Variants in MRAP2 observed in about 807,000 individuals in gnomAD.
MRAP2 encodes the protein melanocortin 2 receptor accessory protein 2.
MRAP2 carries 20 observed loss-of-function variants against 17.4 expected under a neutral mutation model. The ratio of observed to expected loss-of-function variants is 1.15; its 90% CI spans 0.81 to 1.67. The LOEUF (loss-of-function observed/expected upper bound fraction) is 1.67. MRAP2 is among the 40% of genes most tolerant of loss of function. The probability of loss-of-function intolerance (pLI) is 0.00; values close to 1 mark genes in which losing one functional copy is unlikely to be tolerated. For missense variants in MRAP2, 238 were observed against 240.0 expected (o/e 0.99, Z 0.05); for synonymous variants, 96 against 88.4 (o/e 1.09, Z -0.48).
intron 3 of MRAP2, among the ~76,000 whole-genome samples, chr6:84,082,827 T>TCTTTTTTTCCTTTCTGC (rs2099499342): frequency 6.6e-6 from 1 of 152,118 alleles, no homozygotes; most frequent in African/African-American, 2.4e-5. Flanking sequence ...CTCCTTTTTG[T>TCTTTTTTTCCTTTCTGC]CTTTTTTTCC....
At chr6:84,142,268 C>A in the MRAP2 span, among the ~76,000 whole-genome samples, 1 of 152,146 alleles carries the variant, frequency 6.6e-6, no homozygotes, top group African/African-American at 2.4e-5. Flanking sequence ...ATTCTATCTG[C>A]CAAATACACA....
chr6:84,054,179 T>C (rs2099491118), intron 1 of MRAP2, among the ~76,000 whole-genome samples: 1 of 152,174 alleles, frequency 6.6e-6, no homozygotes, highest in Admixed American at 6.5e-5. Context: ...ATGTTACTGC[T>C]ATTTGTCACT....
chr6:84,125,340 A>T, the MRAP2 span: 2 of 1,433,376 alleles, frequency 1.4e-6, no homozygotes, highest in Non-Finnish European at 1.9e-6. Context: ...AACATTTAAC[A>T]ATCTTAAAGT....
At chr6:84,140,473 CTT>C in the MRAP2 span, among the ~76,000 whole-genome samples, 1 of 152,060 alleles carries the variant, frequency 6.6e-6, no homozygotes, top group Non-Finnish European at 1.5e-5. Context: ...CTTTTGCAGA[CTT>C]TTTTGAGGAA....
intron 1 of MRAP2, among the ~76,000 whole-genome samples, chr6:84,035,863 T>C (rs1398830088): frequency 6.6e-6 from 1 of 152,256 alleles, no homozygotes; most frequent in Non-Finnish European, 1.5e-5. Flanking sequence ...GAATTATTTA[T>C]CTGTGACCTT....
At chr6:84,129,993 T>C in the MRAP2 span, among the ~76,000 whole-genome samples, 115 of 152,310 alleles carry the variant, frequency 7.6e-4, 2 homozygotes, top group African/African-American at 2.6e-3. Flanking sequence ...TGATATTGGC[T>C]GTGGGTTTGT....
chr6:84,069,422 C>G (rs2099495626), intron 3 of MRAP2, among the ~76,000 whole-genome samples: 1 of 151,932 alleles, frequency 6.6e-6, no homozygotes, highest in South Asian at 2.1e-4. Context: ...TTAAACCATC[C>G]CTGCATCCCT....
chr6:84,039,513 A>T (rs527906749), intron 1 of MRAP2, among the ~76,000 whole-genome samples: 1 of 152,252 alleles, frequency 6.6e-6, no homozygotes, highest in East Asian at 1.9e-4. Context: ...AGTATTGTTG[A>T]GATATGAAGT....
At chr6:84,035,999 A>G (rs2099485861) in intron 1 of MRAP2, among the ~76,000 whole-genome samples, 1 of 152,200 alleles carries the variant, frequency 6.6e-6, no homozygotes, top group Admixed American at 6.5e-5. Context: ...CTTGGAGTAC[A>G]AAAAATATTG....
At chr6:84,082,933 C>G (rs1263483801) in intron 3 of MRAP2, among the ~76,000 whole-genome samples, 3 of 152,094 alleles carry the variant, frequency 2.0e-5, no homozygotes, top group African/African-American at 7.2e-5. Context: ...GACTAGCCCT[C>G]TAGCTCATCA....
At chr6:84,052,642 T>C (rs1235919402) in intron 1 of MRAP2, 2 of 161,752 alleles carry the variant, frequency 1.2e-5, no homozygotes, top group African/African-American at 4.8e-5. Flanking sequence ...CAAAGCTATC[T>C]TTGGGATTCA....
intron 2 of MRAP2, 176 bp from the exon 3 acceptor site, chr6:84,062,715 CAG>C (rs2099493494): frequency 2.0e-6 from 2 of 985,218 alleles, no homozygotes; most frequent in Non-Finnish European, 2.4e-6. Context: ...GGAGGCGGAG[CAG>C]ACTCTTCCCT....
chr6:84,050,120 C>T (rs2099490064), intron 1 of MRAP2, among the ~76,000 whole-genome samples: 1 of 152,184 alleles, frequency 6.6e-6, no homozygotes, highest in South Asian at 2.1e-4. Context: ...GGAAGCATGA[C>T]CTTTTTTCTT....
the MRAP2 span, among the ~76,000 whole-genome samples, chr6:84,135,601 G>A: frequency 6.5e-3 from 982 of 151,686 alleles, 4 homozygotes; most frequent in African/African-American, 0.022. Flanking sequence ...GGTGGCTCAC[G>A]CCTGTAATCC....
the MRAP2 span, among the ~76,000 whole-genome samples, chr6:84,115,105 C>T: frequency 1.1e-4 from 16 of 152,184 alleles, no homozygotes; most frequent in African/African-American, 3.6e-4. Context: ...GAACACTGTG[C>T]TGGGAGATCC....
chr6:84,036,719 C>A (rs1213295282), intron 1 of MRAP2, among the ~76,000 whole-genome samples: 1 of 152,180 alleles, frequency 6.6e-6, no homozygotes, highest in Admixed American at 6.5e-5. Flanking sequence ...ATTCCTTTAT[C>A]TGACCCCACC....
In MRAP2 at chr6:84,036,383, G is replaced by C. The variant is rs2099485976; in HGVS notation, c.-8+2500G>C. On this transcript the variant is annotated intron_variant, in intron 1 of 3. Transcript: ENST00000257776. ...AGTGATGGTGTATCTGAAATTGGTGGGTTCTTGGTCTCACTGACTTCAAGA... is the reference window on the plus strand; with the variant it reads ...AGTGATGGTGTATCTGAAATTGGTGCGTTCTTGGTCTCACTGACTTCAAGA... 3.3e-5 allele frequency among the ~76,000 whole-genome samples: 5 copies of C among 152,222 alleles called. No homozygotes were observed. In the South Asian group the frequency reaches 6.2e-4, roughly 19 times the overall value.
At chr6:84,111,748 G>A in the MRAP2 span, among the ~76,000 whole-genome samples, 1 of 152,130 alleles carries the variant, frequency 6.6e-6, no homozygotes, top group African/African-American at 2.4e-5. Flanking sequence ...GTTTGTCATA[G>A]ATAGCTCTTA....
At position 84,044,720 on chromosome 6, in the gene MRAP2, A is replaced by G. The variant is rs77123464; in HGVS notation, c.-7-10592A>G. On this transcript the variant is annotated intron_variant, in intron 1 of 3. Transcript: ENST00000257776. ...TCATTTTAACTTAATTACCCCTTTA[A>G]AGGCCCTATGTCCAAATACAGTCAC... Among the ~76,000 whole-genome samples the G allele has an allele frequency of 7.7e-3, 1,169 of 152,250 alleles. 18 individuals carry two copies. The highest frequency in any genetic ancestry group is 0.026 in the African/African-American group (1,098 of 41,526).
Sources: gnomAD v4.1 joint callset for allele counts (sites outside exome capture counted in the v4.1 genomes callset) on GRCh38, gnomAD v4.1.1 for gene constraint, MANE v1.5 for transcripts, NCBI Gene and HGNC (gene_info 2026-07-23, HGNC 2026-07-21) for gene names.